The following MYOM1 variants were observed in gnomAD, a reference collection of about 807,000 sequenced individuals.
MYOM1 encodes myomesin-1.
MYOM1 carries 164 observed loss-of-function variants against 205.3 expected under a neutral mutation model. That is an observed-to-expected ratio of 0.80 (90% confidence interval 0.70 to 0.91). The LOEUF (loss-of-function observed/expected upper bound fraction) is 0.91. Ranked by LOEUF, MYOM1 falls within the 40% of genes least tolerant of loss-of-function variation. The probability of loss-of-function intolerance (pLI) is 0.00; values close to 1 mark genes in which losing one functional copy is unlikely to be tolerated. For missense variants in MYOM1, 2,011 were observed against 2,127.3 expected (o/e 0.95, Z 1.08); for synonymous variants, 772 against 789.4 (o/e 0.98, Z 0.37).
In MYOM1 at chr18:3,116,619, T is replaced by TC. The variant is rs1356736031; in HGVS notation, c.3119-105dup. ...CTTCAAGCTAATCTAACACTGGTGT[T>TC]CTTTTTTCAAAATCTAGCTTTCCCA... On this transcript the variant is annotated intron_variant, in intron 20 of 37. Transcript: ENST00000356443. 3 of 1,055,324 alleles carry TC rather than the reference T, an allele frequency of 2.8e-6. No homozygotes were observed. In the African/African-American group the frequency reaches 4.8e-5, roughly 17 times the overall value. The allele number at this position is 1,055,324 out of a possible 1,614,324, so 65.4% of individuals were successfully genotyped here. A position where few individuals can be genotyped will look rare whatever the true frequency, so the allele number is the denominator to read the frequency against.
At chr18:3,186,912 AAG>A (rs1314847540) in intron 5 of MYOM1, among the ~76,000 whole-genome samples, 7 of 151,754 alleles carry the variant, frequency 4.6e-5, no homozygotes, top group African/African-American at 1.5e-4. Context: ...GAAGGAAAGA[AAG>A]AGGAAGATAA....
At chr18:3,094,394 A>C (rs77908223) in intron 25 of MYOM1, 88 bp from the exon 26 acceptor site, 17 of 919,730 alleles carry the variant, frequency 1.8e-5, no homozygotes, top group South Asian at 7.3e-5. Flanking sequence ...AAAAAAAAAA[A>C]CCACACAATG....
At position 3,213,408 on chromosome 18, in the gene MYOM1, C is replaced by T. The variant is rs904049463; in HGVS notation, c.290+1526G>A. 2.0e-5 allele frequency among the ~76,000 whole-genome samples: 3 copies of T among 152,298 alleles called. No homozygotes were observed. In the South Asian group the frequency reaches 6.2e-4, roughly 32 times the overall value. ...CCAGAAATGTCTATGTTTTGAAGAT[C>T]AGCAGTTTTTTTCTGTGGACTCTAG... is the stretch of plus-strand genomic sequence containing the variant. On this transcript the variant is annotated intron_variant, in intron 2 of 37. Coordinates refer to ENST00000356443, the MANE Select transcript of MYOM1 (RefSeq NM_003803.4).
intron 2 of MYOM1, among the ~76,000 whole-genome samples, chr18:3,204,842 A>G (rs1436167747): frequency 3.9e-5 from 6 of 152,094 alleles, no homozygotes; most frequent in Admixed American, 6.5e-5. Flanking sequence ...CAGTAGCACT[A>G]TGGTACTGGT....
chr18:3,116,263 G>T, intron 21 of MYOM1, 68 bp downstream of exon 21: 1 of 1,484,606 alleles, frequency 6.7e-7, no homozygotes, highest in South Asian at 1.2e-5. Context: ...GTTTTATCTT[G>T]CTAACTTTAA....
intron 2 of MYOM1, among the ~76,000 whole-genome samples, chr18:3,196,492 A>G (rs2080990919): frequency 6.6e-6 from 1 of 152,214 alleles, no homozygotes; most frequent in South Asian, 2.1e-4. Context: ...GTCAGTCTTT[A>G]CCTATTAAAA....
the MYOM1 span, among the ~76,000 whole-genome samples, chr18:3,237,169 T>C: frequency 1.3e-5 from 2 of 152,046 alleles, no homozygotes; most frequent in Non-Finnish European, 2.9e-5. Flanking sequence ...AAAGAGAGAA[T>C]TGGGTTTGTA....
intron 33 of MYOM1, among the ~76,000 whole-genome samples, 200 bp from the exon 34 acceptor site, chr18:3,079,542 T>C (rs1318164816): frequency 6.6e-6 from 1 of 152,044 alleles, no homozygotes; most frequent in Non-Finnish European, 1.5e-5. Flanking sequence ...GGTGTGACAG[T>C]CTGAACATTT....
chr18:3,184,095 AC>A (rs1272426901), intron 5 of MYOM1, among the ~76,000 whole-genome samples: 16 of 151,908 alleles, frequency 1.1e-4, no homozygotes, highest in African/African-American at 3.9e-4. Flanking sequence ...TAGTAGAGAC[AC>A]GTTTTCTCCA....
At chr18:3,182,393 C>T (rs2080747965) in intron 5 of MYOM1, among the ~76,000 whole-genome samples, 1 of 152,144 alleles carries the variant, frequency 6.6e-6, no homozygotes, top group Non-Finnish European at 1.5e-5. Flanking sequence ...TGTAACAAAC[C>T]TGCACGTTGT....
chr18:3,121,630 G>A (rs540263214), intron 19 of MYOM1, among the ~76,000 whole-genome samples: 2 of 148,142 alleles, frequency 1.4e-5, no homozygotes, highest in East Asian at 2.2e-4. Flanking sequence ...TGGGAAAAAG[G>A]TAAAGGGGTA....
At chr18:3,190,401 C>T (rs1260282839) in intron 3 of MYOM1, 1 of 152,168 alleles carries the variant, frequency 6.6e-6, no homozygotes, top group East Asian at 1.9e-4. Context: ...GCATCTAAAT[C>T]TATGCTGCTT....
At chr18:3,160,034 TTCC>T (rs2080363156) in intron 10 of MYOM1, among the ~76,000 whole-genome samples, 1 of 149,206 alleles carries the variant, frequency 6.7e-6, no homozygotes, top group East Asian at 2.0e-4. Flanking sequence ...CCTTCTCCTC[TTCC>T]TCCTCCTTCT....
chr18:3,186,983 G>T (rs111480523), intron 5 of MYOM1, among the ~76,000 whole-genome samples: 5 of 151,324 alleles, frequency 3.3e-5, no homozygotes, highest in Admixed American at 2.6e-4. Context: ...AAAGAAGAAA[G>T]AAAAAAAGAA....
chr18:3,101,590 T>C (rs752437270), intron 23 of MYOM1, among the ~76,000 whole-genome samples: 2 of 152,218 alleles, frequency 1.3e-5, no homozygotes, highest in African/African-American at 2.4e-5. Context: ...TGTACTATTG[T>C]GTCACGCATG....
intron 10 of MYOM1, among the ~76,000 whole-genome samples, chr18:3,161,027 A>G (rs36115329): frequency 0.67 from 102,078 of 151,988 alleles, 34,898 homozygotes; most frequent in African/African-American, 0.8. Context: ...CTCTGGCTCT[A>G]GTAAAACAGT....
intron 14 of MYOM1, among the ~76,000 whole-genome samples, chr18:3,141,145 C>T (rs1375224109): frequency 1.3e-5 from 2 of 152,104 alleles, no homozygotes; most frequent in Non-Finnish European, 2.9e-5. Flanking sequence ...CTTGCGTGGC[C>T]GGCTCTCCTA....
chr18:3,230,686 C>A, the MYOM1 span, among the ~76,000 whole-genome samples: 1 of 152,076 alleles, frequency 6.6e-6, no homozygotes, highest in Non-Finnish European at 1.5e-5. Flanking sequence ...CTAGGGTGTA[C>A]ACCAAGTAAC....
chr18:3,141,264 G>C (rs191472993), intron 14 of MYOM1, among the ~76,000 whole-genome samples: 4 of 152,108 alleles, frequency 2.6e-5, no homozygotes, highest in African/African-American at 9.7e-5. Context: ...CCTCAAATAC[G>C]GATATGTGTT....
Sources: allele counts gnomAD v4.1 joint callset (sites outside exome capture counted in the v4.1 genomes callset), GRCh38; gene constraint gnomAD v4.1.1; transcripts MANE v1.5; gene names NCBI Gene and HGNC (gene_info 2026-07-23, HGNC 2026-07-21).